Variants in NTNG1 observed in about 807,000 individuals in gnomAD.
The protein encoded by NTNG1 is netrin G1, also known as netrin-G1.
NTNG1 carries 16 observed loss-of-function variants against 54.0 expected under a neutral mutation model. The ratio of observed to expected loss-of-function variants is 0.30; its 90% CI spans 0.20 to 0.45. NTNG1 has a LOEUF of 0.45. NTNG1 is among the 20% of genes least tolerant of loss of function. The pLI is 1.00. For missense variants in NTNG1, 530 were observed against 678.7 expected (o/e 0.78, Z 2.43); for synonymous variants, 255 against 263.1 (o/e 0.97, Z 0.30).
chr1:107,480,588 C>CCAACCA (rs1678631087), intron 7 of NTNG1, 23 bp from the exon 8 acceptor site: 2 of 1,119,758 alleles, frequency 1.8e-6, no homozygotes, highest in Non-Finnish European at 2.6e-6. Context: ...CCACCCACCC[C>CCAACCA]TACCTTCCCC....
In NTNG1 at chr1:107,427,588, A is replaced by G. The variant is rs373972963; in HGVS notation, c.1088-3162A>G. On this transcript the variant is annotated intron_variant, in intron 5 of 7. Coordinates refer to ENST00000370068, the MANE Select transcript of NTNG1 (RefSeq NM_001113226.3). ...ATAGTACTCTCATGTTTTTCAAATCACTTTCAAAGATCTGTTTCTTATTTT... is the reference window on the plus strand; with the variant it reads ...ATAGTACTCTCATGTTTTTCAAATCGCTTTCAAAGATCTGTTTCTTATTTT... 4.6e-5 allele frequency among the ~76,000 whole-genome samples: 7 copies of G among 152,228 alleles called. No individual in the cohort carries two copies. The East Asian group carries it at 1.2e-3, about 25-fold the overall frequency.
chr1:107,332,551 C>T (rs1042099780), intron 3 of NTNG1, among the ~76,000 whole-genome samples: 4 of 152,058 alleles, frequency 2.6e-5, no homozygotes, highest in Non-Finnish European at 5.9e-5. Flanking sequence ...TTTGGAATGT[C>T]TTGCTGTCTT....
intron 2 of NTNG1, among the ~76,000 whole-genome samples, chr1:107,305,251 C>G (rs7514733): frequency 0.31 from 47,628 of 151,978 alleles, 8,113 homozygotes; most frequent in African/African-American, 0.44. Context: ...GGTATATACC[C>G]AGTAATGGGA....
chr1:107,152,989 G>A (rs1408253605), intron 2 of NTNG1, among the ~76,000 whole-genome samples: 12 of 152,284 alleles, frequency 7.9e-5, no homozygotes, highest in Admixed American at 6.5e-4. Context: ...CTGTGCTCTC[G>A]ATAGGCATTT....
intron 7 of NTNG1, among the ~76,000 whole-genome samples, chr1:107,474,607 A>C (rs1426436026): frequency 6.6e-6 from 1 of 152,242 alleles, no homozygotes; most frequent in African/African-American, 2.4e-5. Flanking sequence ...ATTTATAATG[A>C]ATAGAAGTTT....
At chr1:107,239,590 C>G (rs1411289497) in intron 2 of NTNG1, among the ~76,000 whole-genome samples, 1 of 152,128 alleles carries the variant, frequency 6.6e-6, no homozygotes, top group Non-Finnish European at 1.5e-5. Context: ...ATAAATAATT[C>G]GACCAAAATC....
intron 2 of NTNG1, among the ~76,000 whole-genome samples, chr1:107,226,297 A>G (rs908129838): frequency 6.6e-6 from 1 of 152,106 alleles, no homozygotes; most frequent in African/African-American, 2.4e-5. Flanking sequence ...GCAATGCACT[A>G]TTTTAGGTTT....
At chr1:107,187,582 C>G (rs56343047) in intron 2 of NTNG1, among the ~76,000 whole-genome samples, 2 of 152,112 alleles carry the variant, frequency 1.3e-5, no homozygotes, top group South Asian at 4.1e-4. Context: ...TGCATAAACC[C>G]TTGTGGTTTC....
At chr1:107,480,588 C>CCAAAAA in intron 7 of NTNG1, 23 bp from the exon 8 acceptor site, 3 of 1,119,758 alleles carry the variant, frequency 2.7e-6, no homozygotes, top group Non-Finnish European at 3.9e-6. Context: ...CCACCCACCC[C>CCAAAAA]TACCTTCCCC....
At chr1:107,373,054 A>T (rs541319611) in intron 3 of NTNG1, among the ~76,000 whole-genome samples, 20 of 152,016 alleles carry the variant, frequency 1.3e-4, no homozygotes, top group Non-Finnish European at 2.9e-4. Flanking sequence ...TATCCTAATT[A>T]TAGTGTTTAG....
chr1:107,253,823 G>T (rs533326463), intron 2 of NTNG1, among the ~76,000 whole-genome samples: 6 of 152,128 alleles, frequency 3.9e-5, no homozygotes, highest in African/African-American at 1.4e-4. Context: ...CTTTCCTCTC[G>T]AAATTAGTAT....
At chr1:107,282,482 A>G (rs947749231) in intron 2 of NTNG1, among the ~76,000 whole-genome samples, 1 of 152,134 alleles carries the variant, frequency 6.6e-6, no homozygotes, top group African/African-American at 2.4e-5. Context: ...CCTGCTGATG[A>G]AAGGTAAGAC....
chr1:107,291,769 T>C (rs563545003), intron 2 of NTNG1, among the ~76,000 whole-genome samples: 1 of 152,288 alleles, frequency 6.6e-6, no homozygotes, highest in Non-Finnish European at 1.5e-5. Flanking sequence ...TTTTCTAAAT[T>C]CTATCTAAAA....
intron 2 of NTNG1, among the ~76,000 whole-genome samples, chr1:107,260,462 A>T (rs899749032): frequency 6.6e-6 from 1 of 152,198 alleles, no homozygotes; most frequent in Admixed American, 6.5e-5. Context: ...CAATAGCTGT[A>T]GTCATCACAA....
intron 2 of NTNG1, among the ~76,000 whole-genome samples, chr1:107,202,499 A>G (rs1170391678): frequency 1.3e-5 from 2 of 151,666 alleles, no homozygotes; most frequent in African/African-American, 4.8e-5. Context: ...CTACTATTTT[A>G]CCTTGTTTTC....
intron 3 of NTNG1, among the ~76,000 whole-genome samples, chr1:107,338,571 C>A (rs1260607066): frequency 2.0e-5 from 3 of 151,862 alleles, no homozygotes; most frequent in African/African-American, 7.3e-5. Context: ...GGAGGCCAAG[C>A]CAGGAAATTT....
chr1:107,281,296 G>T (rs1164649009), intron 2 of NTNG1, among the ~76,000 whole-genome samples: 2 of 151,882 alleles, frequency 1.3e-5, no homozygotes, highest in South Asian at 2.1e-4. Flanking sequence ...ACCAGCCTCA[G>T]TCTGCTATCT....
In NTNG1 at chr1:107,483,855, T is replaced by G. The variant is rs1277477158; in HGVS notation, c.*3015T>G. On this transcript the variant is annotated 3_prime_UTR_variant, in exon 8 of 8. Transcript: ENST00000370068. ...CAGCTATCTAGAAAGATTTGCTATT[T>G]ATAGGAAGATAATGGACATGCCCTG... Among the ~76,000 whole-genome samples, 1 of 152,180 alleles carries G rather than the reference T, an allele frequency of 6.6e-6. No individual in the cohort carries two copies. Among genetic ancestry groups the G allele is most frequent in the Non-Finnish European group, 1.5e-5 (1 of 68,028 alleles).
rs541907130 is a variant in NTNG1, at chr1:107,279,532, G to A, written c.247-44750G>A. ...CTCTGCCTAAGCCAGCAGCACAGAT[G>A]CCACACTAGGTTTCTACCTTTCTGT... On this transcript the variant is annotated intron_variant, in intron 2 of 7. Coordinates refer to ENST00000370068, the MANE Select transcript of NTNG1 (RefSeq NM_001113226.3). Among the ~76,000 whole-genome samples, 25 of 152,276 alleles carry A rather than the reference G, an allele frequency of 1.6e-4. No homozygotes were observed. The South Asian group carries it at 2.1e-3, about 13-fold the overall frequency.
Sources: allele counts gnomAD v4.1 joint callset (sites outside exome capture counted in the v4.1 genomes callset), GRCh38; gene constraint gnomAD v4.1.1; transcripts MANE v1.5; gene names NCBI Gene and HGNC (gene_info 2026-07-23, HGNC 2026-07-21).